MLPH: variants seen among roughly 807,000 people sequenced by gnomAD.
MLPH encodes melanophilin, also known as exophilin-3.
MLPH carries 51 observed loss-of-function variants against 72.1 expected under a neutral mutation model. That is an observed-to-expected ratio of 0.71 (90% CI 0.56 to 0.89). The LOEUF (loss-of-function observed/expected upper bound fraction) is 0.89. Ranked by LOEUF, MLPH falls within the 40% of genes least tolerant of loss-of-function variation. MLPH has a pLI of 0.00. For missense variants in MLPH, 743 were observed against 759.9 expected (o/e 0.98, Z 0.26); for synonymous variants, 301 against 310.1 (o/e 0.97, Z 0.31).
At chr2:237,496,485 A>G (rs12692204) in intron 2 of MLPH, among the ~76,000 whole-genome samples, 147,707 of 152,178 alleles carry the variant, frequency 0.97, 71,725 homozygotes, top group East Asian at 1. Context: ...AAGAAGGGAC[A>G]CACCCAGGTC....
rs1374882285 is a variant in MLPH, at chr2:237,542,597, C to T, written c.1477C>T (p.Leu493=). Residue 493 remains leucine (L), a synonymous_variant, in exon 12 of 16, where the codon CTG becomes TTG. Coordinates refer to ENST00000264605, the MANE Select transcript of MLPH (RefSeq NM_024101.7). The part of the protein sequence containing the change: ...VSDIESRIAA[L]RAAGLTVKPS... ...AGACATTGAATCCAGGATTGCAGCC[C>T]TGAGGGCCGCAGGGCTCACGGTGAA... 2.5e-6 allele frequency: 4 copies of T among 1,603,974 alleles called. No individual in the cohort carries two copies. In the African/African-American group the frequency reaches 5.3e-5, roughly 21 times the overall value.
At chr2:237,528,319 T>C (rs1389117142) in intron 8 of MLPH, among the ~76,000 whole-genome samples, 2 of 106,174 alleles carry the variant, frequency 1.9e-5, no homozygotes, top group African/African-American at 8.1e-5. Context: ...TAGGAGAAAA[T>C]AAATAATCTT....
intron 11 of MLPH, among the ~76,000 whole-genome samples, chr2:237,542,104 G>T (rs1308287294): frequency 1.3e-5 from 2 of 152,162 alleles, no homozygotes; most frequent in African/African-American, 2.4e-5. Context: ...TGAGTAGGGG[G>T]TGATGGGGCC....
intron 2 of MLPH, among the ~76,000 whole-genome samples, chr2:237,497,211 T>C (rs1258121827): frequency 6.6e-6 from 1 of 152,176 alleles, no homozygotes; most frequent in Non-Finnish European, 1.5e-5. Flanking sequence ...CGGGAAATGC[T>C]CTCTTACCTG....
rs2079749937 is a variant in MLPH, at chr2:237,505,546, G to A, written c.111-5028G>A. On this transcript the variant is annotated intron_variant, in intron 2 of 15. Coordinates refer to ENST00000264605, the MANE Select transcript of MLPH (RefSeq NM_024101.7). The surrounding 1 kb of genome is among the most constrained non-coding windows in gnomAD (Gnocchi z 4.5). ...GCTTCCCCCTGCTGTGCCTTCAGGG[G>A]TGGCCACCAGCCCCGCCATCCTGGG... Among the ~76,000 whole-genome samples, 2 of 152,136 alleles carry A rather than the reference G, an allele frequency of 1.3e-5. No individual in the cohort carries two copies. Among genetic ancestry groups the A allele is most frequent in the Admixed American group, 1.3e-4 (2 of 15,276 alleles).
chr2:237,552,207 T>G, intron 14 of MLPH, 130 bp from the exon 15 acceptor site: 1 of 693,550 alleles, frequency 1.4e-6, no homozygotes, highest in Non-Finnish European at 2.6e-6. Context: ...AAATATGTGA[T>G]GTGGAAGCTT....
intron 4 of MLPH, among the ~76,000 whole-genome samples, chr2:237,517,161 G>T (rs1243486039): frequency 1.3e-5 from 2 of 151,528 alleles, no homozygotes; most frequent in Non-Finnish European, 2.9e-5. Context: ...GGGTGGATGG[G>T]TAGGCAGCTG....
intron 8 of MLPH, among the ~76,000 whole-genome samples, chr2:237,532,190 A>G (rs2080433751): frequency 6.6e-6 from 1 of 152,214 alleles, no homozygotes; most frequent in South Asian, 2.1e-4. Flanking sequence ...CAATCTGCCC[A>G]TCAACCCCAA....
At chr2:237,526,201 G>C (rs758383715) in intron 7 of MLPH, among the ~76,000 whole-genome samples, 1 of 152,184 alleles carries the variant, frequency 6.6e-6, no homozygotes, top group Non-Finnish European at 1.5e-5. Flanking sequence ...TTGATCAGGA[G>C]ATCTTTAAGC....
At chr2:237,522,846 T>TA (rs1352016218) in intron 6 of MLPH, among the ~76,000 whole-genome samples, 1 of 152,198 alleles carries the variant, frequency 6.6e-6, no homozygotes, top group Non-Finnish European at 1.5e-5. Context: ...AACCATGCTA[T>TA]AGCTAAAATA....
intron 1 of MLPH, among the ~76,000 whole-genome samples, chr2:237,490,896 T>G (rs920320025): frequency 6.6e-5 from 10 of 152,216 alleles, no homozygotes; most frequent in Non-Finnish European, 1.2e-4. Context: ...AATCTCTTCT[T>G]GTATTGCAAA....
intron 14 of MLPH, 60 bp from the exon 15 acceptor site, chr2:237,552,277 C>T (rs1574920262): frequency 6.8e-7 from 1 of 1,471,266 alleles, no homozygotes; most frequent in East Asian, 2.3e-5. Context: ...GGCCAAGGCA[C>T]TTGTTTGGGC....
At chr2:237,516,412 G>A (rs1173565801) in intron 4 of MLPH, among the ~76,000 whole-genome samples, 1 of 152,184 alleles carries the variant, frequency 6.6e-6, no homozygotes, top group Non-Finnish European at 1.5e-5. Flanking sequence ...GGGGGCATGA[G>A]GGCTGGGCCT....
chr2:237,512,693 C>T lies in MLPH; in HGVS notation c.445+1592C>T, dbSNP rs1217870777. Among the ~76,000 whole-genome samples, 1 of 152,114 alleles carries T rather than the reference C, an allele frequency of 6.6e-6. No homozygotes were observed. The highest frequency in any genetic ancestry group is 2.4e-5 in the African/African-American group (1 of 41,412). The stretch of plus-strand genomic sequence containing the variant: ...AGCCAGTGGAGCTTGGTCCAGCCTC[C>T]AGTCCACCCCTAACAGGCTTAAGGA... On this transcript the variant is annotated intron_variant, in intron 4 of 15. Coordinates refer to ENST00000264605, the MANE Select transcript of MLPH (RefSeq NM_024101.7). The surrounding 1 kb of genome is among the most constrained non-coding windows in gnomAD (Gnocchi z 5.5).
Position 237,510,545 on chromosome 2 carries a change from A to G in MLPH, c.111-29A>G, listed in dbSNP as rs139644578. ...CTGTTGCAAAAACAAGATGCCCAAT[A>G]TATTTCTTGTTTCTGATATTTTCCC... On this transcript the variant is annotated intron_variant, in intron 2 of 15. Transcript: ENST00000264605. The surrounding 1 kb of genome is among the most constrained non-coding windows in gnomAD (Gnocchi z 4.4). 1,782 of 1,605,926 alleles carry G rather than the reference A, an allele frequency of 1.1e-3. 2 individuals are homozygous for G. Among genetic ancestry groups the G allele is most frequent in the Non-Finnish European group, 1.4e-3 (1,619 of 1,174,136 alleles).
Position 237,552,347 on chromosome 2 carries a change from TGATTCTTTTGATCG to T in MLPH, c.1689_1702del (p.Asp563GlufsTer111). ...CTGTTTTCCCCAAAGGTAAAGATGATGATTCTTTTGATCGGAAATCAGTGTACCGAGGCTCGCTG... is the reference window on the plus strand; with the variant it reads ...CTGTTTTCCCCAAAGGTAAAGATGATGAAATCAGTGTACCGAGGCTCGCTG... On this transcript the variant is annotated frameshift_variant, in exon 15 of 16. Transcript: ENST00000264605. LOFTEE classifies it high-confidence loss of function. 6.2e-7 allele frequency: 1 copy of T among 1,614,138 alleles called. No individual in the cohort carries two copies. The highest frequency in any genetic ancestry group is 8.5e-7 in the Non-Finnish European group (1 of 1,179,964).
chr2:237,509,817 G>A (rs998367329), intron 2 of MLPH, among the ~76,000 whole-genome samples: 7 of 152,112 alleles, frequency 4.6e-5, no homozygotes, highest in East Asian at 3.9e-4. Flanking sequence ...CTGGGTGTCC[G>A]CCTCCAAATC....
intron 7 of MLPH, among the ~76,000 whole-genome samples, chr2:237,526,118 G>A (rs925058800): frequency 2.6e-5 from 4 of 152,194 alleles, no homozygotes; most frequent in African/African-American, 7.2e-5. Flanking sequence ...TGGTCAACCG[G>A]CCAACCATCC....
chr2:237,491,521 G>A (rs1441499014), intron 1 of MLPH, among the ~76,000 whole-genome samples: 3 of 152,228 alleles, frequency 2.0e-5, no homozygotes, highest in South Asian at 2.1e-4. Flanking sequence ...TGCTGGGAAC[G>A]GACAGAGGTG....
Sources: allele counts gnomAD v4.1 joint callset (sites outside exome capture counted in the v4.1 genomes callset), GRCh38; gene constraint gnomAD v4.1.1; non-coding constraint Gnocchi (gnomAD v3.1); transcripts MANE v1.5; gene names NCBI Gene and HGNC (gene_info 2026-07-23, HGNC 2026-07-21).